The following MAP3K14 variants were observed in gnomAD, a reference collection of about 807,000 sequenced individuals.
MAP3K14 encodes the protein mitogen-activated protein kinase kinase kinase 14.
MAP3K14 carries 16 observed loss-of-function variants against 99.2 expected under a neutral mutation model. The observed-to-expected ratio is 0.16, with a 90% confidence interval of 0.11 to 0.24. The LOEUF is 0.24. MAP3K14 is among the 10% of genes least tolerant of loss of function. The probability of loss-of-function intolerance (pLI) is 1.00; values close to 1 mark genes in which losing one functional copy is unlikely to be tolerated. For synonymous variants in MAP3K14, 462 were observed against 492.4 expected, an observed-to-expected ratio of 0.94 and a Z score of 0.82; for missense variants, 784 against 1,208.7, an observed-to-expected ratio of 0.65 and a Z score of 5.21.
chr17:45,302,942 T>G (rs979521228), intron 1 of MAP3K14, among the ~76,000 whole-genome samples: 2 of 152,136 alleles, frequency 1.3e-5, no homozygotes, highest in African/African-American at 4.8e-5. Context: ...GGACTGAGAG[T>G]TTTATCAGTT....
chr17:45,306,347 G>A (rs1024840028), intron 1 of MAP3K14, among the ~76,000 whole-genome samples: 7 of 152,100 alleles, frequency 4.6e-5, no homozygotes, highest in Non-Finnish European at 8.8e-5. Flanking sequence ...AATTGGGACC[G>A]AGATGCAGAA....
In MAP3K14 at chr17:45,267,033, G is replaced by A; in HGVS notation, c.2433+59C>T. ...CTGGACGCAAAGCTACTTGCTCTGT[G>A]CCAGGGCCGGGAAAACCACACCCCT... is the stretch of plus-strand genomic sequence containing the variant. On this transcript the variant is annotated intron_variant, in intron 13 of 15. Coordinates refer to ENST00000344686, the MANE Select transcript of MAP3K14 (RefSeq NM_003954.5). The surrounding 1 kb of genome is among the most constrained non-coding windows in gnomAD (Gnocchi z 5.1). 1 of 1,269,460 alleles carries A rather than the reference G, an allele frequency of 7.9e-7. No homozygotes were observed. The highest frequency in any genetic ancestry group is 1.1e-6 in the Non-Finnish European group (1 of 892,072). The allele number at this position is 1,269,460 out of a possible 1,614,324, so 78.6% of individuals were successfully genotyped here.
At position 45,266,308 on chromosome 17, in the gene MAP3K14, C is replaced by A. The variant is rs1471919453; in HGVS notation, c.2578+229G>T. 6.4e-6 allele frequency: 3 copies of A among 470,738 alleles called. No individual in the cohort carries two copies. The Admixed American group carries it at 1.0e-4, about 16-fold the overall frequency. The allele number at this position is 470,738 out of a possible 1,614,324, so 29.2% of individuals were successfully genotyped here. A position where few individuals can be genotyped will look rare whatever the true frequency, so the allele number is the denominator to read the frequency against. Reference sequence around the variant, plus strand: ...AACCTTCTGGGACTCCATCAACTGACAATGAGGGGATAATGGTCCCTCACT... The same window carrying A: ...AACCTTCTGGGACTCCATCAACTGAAAATGAGGGGATAATGGTCCCTCACT... On this transcript the variant is annotated intron_variant, in intron 14 of 15. Transcript: ENST00000344686.
At position 45,264,195 on chromosome 17, in the gene MAP3K14, G is replaced by C. The variant is rs2044047223; in HGVS notation, c.*441C>G. ...TGACCTGGTTCTGCACTGAACCTGA[G>C]TTTGGGCCCTTACACACTTGACACT... is the stretch of plus-strand genomic sequence containing the variant. On this transcript the variant is annotated 3_prime_UTR_variant, in exon 16 of 16. Coordinates refer to ENST00000344686, the MANE Select transcript of MAP3K14 (RefSeq NM_003954.5). The C allele has an allele frequency of 6.3e-6, 1 of 159,256 alleles. No homozygotes were observed. Among genetic ancestry groups the C allele is most frequent in the Non-Finnish European group, 1.4e-5 (1 of 72,630 alleles). 9.9% of individuals were successfully genotyped at this position (159,256 alleles called of 1,614,324 possible).
At chr17:45,277,951 TTAA>T (rs1176399625) in intron 6 of MAP3K14, among the ~76,000 whole-genome samples, 1 of 152,204 alleles carries the variant, frequency 6.6e-6, no homozygotes, top group Non-Finnish European at 1.5e-5. Flanking sequence ...ATACATCCCG[TTAA>T]TAATCTGGCG....
At position 45,286,298 on chromosome 17, in the gene MAP3K14, C is replaced by A. The variant is rs2044263532; in HGVS notation, c.1152+133G>T. ...GAGATTGGCGGAATAAGAGATGATA[C>A]TTTTCATCCACAATGAGCACTGTCC... On this transcript the variant is annotated intron_variant, in intron 5 of 15. Coordinates refer to ENST00000344686, the MANE Select transcript of MAP3K14 (RefSeq NM_003954.5). The surrounding 1 kb of genome is among the most constrained non-coding windows in gnomAD (Gnocchi z 4.1). The A allele has an allele frequency of 1.8e-6, 2 of 1,141,868 alleles. No individual in the cohort carries two copies. Among genetic ancestry groups the A allele is most frequent in the Admixed American group, 5.8e-5 (2 of 34,390 alleles). The allele number at this position is 1,141,868 out of a possible 1,614,324, so 70.7% of individuals were successfully genotyped here. A position where few individuals can be genotyped will look rare whatever the true frequency, so the allele number is the denominator to read the frequency against.
chr17:45,314,555 A>G (rs956558386), intron 1 of MAP3K14, among the ~76,000 whole-genome samples: 1 of 152,160 alleles, frequency 6.6e-6, no homozygotes, highest in Non-Finnish European at 1.5e-5. Context: ...CATCAGACAC[A>G]ACTGTGGTAG....
chr17:45,311,812 C>T (rs1032662356), intron 1 of MAP3K14, among the ~76,000 whole-genome samples: 2 of 152,218 alleles, frequency 1.3e-5, no homozygotes, highest in Admixed American at 1.3e-4. Context: ...TCTCTCTGCT[C>T]TCTGCCAAGG....
In MAP3K14 at chr17:45,290,712, G is replaced by A. The variant is rs778366182; in HGVS notation, c.34C>T (p.Pro12Ser). 2.0e-5 allele frequency: 33 copies of A among 1,613,184 alleles called. No homozygotes were observed. The highest frequency in any genetic ancestry group is 2.7e-5 in the Non-Finnish European group (32 of 1,179,726). ...TTCTGCTGCCCCACTGCTGAGCCAG[G>A]GGCACCTGGGCAGGCCATTTCCATC... ...AVMEMACPGA[P>S]GSAVGQQKEL... The change falls in exon 2 of 16, where the codon CCT becomes TCT. Residue 12 changes from proline (P) to serine (S), a missense_variant. Pro to Ser is a moderately conservative substitution (Grantham distance 74). Transcript: ENST00000344686.
chr17:45,293,525 C>T (rs557188616), intron 1 of MAP3K14, among the ~76,000 whole-genome samples: 12 of 152,298 alleles, frequency 7.9e-5, no homozygotes, highest in South Asian at 4.1e-4. Context: ...TGCAGTTCCC[C>T]GATGACTCAT....
At chr17:45,274,666 A>T in intron 6 of MAP3K14, 73 bp from the exon 7 acceptor site, 1 of 1,548,656 alleles carries the variant, frequency 6.5e-7, no homozygotes, top group Non-Finnish European at 8.7e-7. Flanking sequence ...TCCTGTCAGC[A>T]CCCTAGTGCT....
chr17:45,308,273 T>C (rs1878205133), intron 1 of MAP3K14, among the ~76,000 whole-genome samples: 1 of 152,182 alleles, frequency 6.6e-6, no homozygotes, highest in African/African-American at 2.4e-5. Context: ...AGCAGGAATA[T>C]GAGGATGACC....
intron 1 of MAP3K14, among the ~76,000 whole-genome samples, chr17:45,297,666 A>ACTC (rs2044355903): frequency 9.2e-5 from 14 of 152,046 alleles, no homozygotes; most frequent in Non-Finnish European, 1.9e-4. Context: ...AACTCAAACA[A>ACTC]TATGTTGGTC....
intron 6 of MAP3K14, among the ~76,000 whole-genome samples, chr17:45,280,406 C>T (rs1028330021): frequency 3.4e-5 from 5 of 147,520 alleles, no homozygotes; most frequent in East Asian, 2.0e-4. Flanking sequence ...TGGGTTCAAG[C>T]GATTCTCCTG....
In MAP3K14 at chr17:45,286,005, C is replaced by T. The variant is rs34339831; in HGVS notation, c.1152+426G>A. On this transcript the variant is annotated intron_variant, in intron 5 of 15. Transcript: ENST00000344686. The surrounding 1 kb of genome is among the most constrained non-coding windows in gnomAD (Gnocchi z 4.1). ...AAAAAGTGGATGGATGGAATAAAACCCGGAAATCAAAGTTTGATAAAATCA... is the reference window on the plus strand; with the variant it reads ...AAAAAGTGGATGGATGGAATAAAACTCGGAAATCAAAGTTTGATAAAATCA... Among the ~76,000 whole-genome samples the T allele has an allele frequency of 6.6e-6, 1 of 150,750 alleles. No individual in the cohort carries two copies. The highest frequency in any genetic ancestry group is 2.4e-5 in the African/African-American group (1 of 41,052).
At chr17:45,304,010 C>CTTTTTTTTTTTTTTT (rs1026894731) in intron 1 of MAP3K14, among the ~76,000 whole-genome samples, 1 of 127,738 alleles carries the variant, frequency 7.8e-6, no homozygotes, top group Non-Finnish European at 1.7e-5. Context: ...CTTTTCTTTT[C>CTTTTTTTTTTTTTTT]TTTTTTTTTT....
intron 1 of MAP3K14, among the ~76,000 whole-genome samples, chr17:45,311,899 C>G (rs140074538): frequency 6.6e-6 from 1 of 152,342 alleles, no homozygotes; most frequent in East Asian, 1.9e-4. Flanking sequence ...CCATTTTCCA[C>G]CCTCAGGGTG....
rs981045777 is a variant in MAP3K14, at chr17:45,290,869, C to T, written c.-20-104G>A. 18 of 1,120,906 alleles carry T rather than the reference C, an allele frequency of 1.6e-5. No individual in the cohort carries two copies. The African/African-American group carries it at 2.8e-4, about 17-fold the overall frequency. 69.4% of individuals were successfully genotyped at this position (1,120,906 alleles called of 1,614,324 possible). On this transcript the variant is annotated intron_variant, in intron 1 of 15. Transcript: ENST00000344686. The stretch of plus-strand genomic sequence containing the variant: ...GAAAGGCAGGGGCAAAGGGTCTCTG[C>T]CTGTTTATGTGTGCCTCTGCCACAC...
In MAP3K14 at chr17:45,312,627, G is replaced by A. The variant is rs552001945; in HGVS notation, c.-21+4333C>T. On this transcript the variant is annotated intron_variant, in intron 1 of 15. Coordinates refer to ENST00000344686, the MANE Select transcript of MAP3K14 (RefSeq NM_003954.5). ...CTCGCTATGTTGCCCATAGCTACTTGACCTCCTGGGCTCAAGTGATCCTCC... is the reference window on the plus strand; with the variant it reads ...CTCGCTATGTTGCCCATAGCTACTTAACCTCCTGGGCTCAAGTGATCCTCC... 2.6e-5 allele frequency among the ~76,000 whole-genome samples: 4 copies of A among 151,958 alleles called. No individual in the cohort carries two copies. In the South Asian group the frequency reaches 6.2e-4, roughly 24 times the overall value.
Sources: gnomAD v4.1 joint callset for allele counts (sites outside exome capture counted in the v4.1 genomes callset) on GRCh38, gnomAD v4.1.1 for gene constraint, Gnocchi (gnomAD v3.1) non-coding constraint, MANE v1.5 for transcripts, NCBI Gene and HGNC (gene_info 2026-07-23, HGNC 2026-07-21) for gene names.